Variants in PTPRM observed in about 807,000 individuals in gnomAD.
The protein encoded by PTPRM is protein tyrosine phosphatase receptor type M, also known as receptor-type tyrosine-protein phosphatase mu.
PTPRM carries 47 observed loss-of-function variants against 186.7 expected under a neutral mutation model. The ratio of observed to expected loss-of-function variants is 0.25; its 90% CI spans 0.20 to 0.32. The LOEUF is 0.32. PTPRM is among the 10% of genes least tolerant of loss of function. The probability of loss-of-function intolerance (pLI) is 1.00; values close to 1 mark genes in which losing one functional copy is unlikely to be tolerated. For synonymous variants in PTPRM, 668 were observed against 674.9 expected, an observed-to-expected ratio of 0.99 and a Z score of 0.16; for missense variants, 1,494 against 1,865.0, an observed-to-expected ratio of 0.80 and a Z score of 3.66.
rs556723312 is a variant in PTPRM, at chr18:8,239,130, T to A, written c.2301-4928T>A. Among the ~76,000 whole-genome samples the A allele has an allele frequency of 5.8e-3, 819 of 140,718 alleles. 9 individuals carry two copies. The highest frequency in any genetic ancestry group is 0.02 in the African/African-American group (779 of 38,038). The allele number at this position is 140,718 out of a possible 152,430, so 92.3% of individuals were successfully genotyped here. A position where few individuals can be genotyped will look rare whatever the true frequency, so the allele number is the denominator to read the frequency against. On this transcript the variant is annotated intron_variant, in intron 14 of 32. Coordinates refer to ENST00000580170, the MANE Select transcript of PTPRM (RefSeq NM_001105244.2). ...ATTTAGCATTAGGTATATCTCCTAA[T>A]GCTATCCCTCCCCCCTCCCCCCACC... is the stretch of plus-strand genomic sequence containing the variant.
chr18:7,991,995 G>C (rs1182570880), intron 7 of PTPRM, among the ~76,000 whole-genome samples: 1 of 152,036 alleles, frequency 6.6e-6, no homozygotes, highest in Non-Finnish European at 1.5e-5. Context: ...CCAGCCTCCA[G>C]AAAAAGATAC....
intron 9 of PTPRM, among the ~76,000 whole-genome samples, chr18:8,080,810 C>T (rs1325425094): frequency 6.6e-6 from 1 of 152,116 alleles, no homozygotes; most frequent in Non-Finnish European, 1.5e-5. Flanking sequence ...CTCAATGAGC[C>T]ATGTATATGA....
chr18:8,050,002 C>T (rs945025921), intron 7 of PTPRM, among the ~76,000 whole-genome samples: 9 of 152,144 alleles, frequency 5.9e-5, no homozygotes, highest in South Asian at 2.1e-4. Flanking sequence ...TGAGCCACCA[C>T]GCCCAGCCAA....
At chr18:8,238,651 GTTTTTTTT>G (rs71165776) in intron 14 of PTPRM, among the ~76,000 whole-genome samples, 4 of 25,760 alleles carry the variant, frequency 1.6e-4, no homozygotes, top group Non-Finnish European at 2.0e-4. Context: ...TGTTTTGTGT[GTTTTTTTT>G]TTTTTTTTTT....
intron 2 of PTPRM, among the ~76,000 whole-genome samples, chr18:7,885,012 T>C (rs1028966124): frequency 2.2e-5 from 3 of 139,334 alleles, no homozygotes; most frequent in Non-Finnish European, 4.6e-5. Flanking sequence ...CCCTTCCAAA[T>C]CTATGCAGCT....
At chr18:7,924,935 A>G (rs1446897738) in intron 4 of PTPRM, among the ~76,000 whole-genome samples, 1 of 152,146 alleles carries the variant, frequency 6.6e-6, no homozygotes, top group Non-Finnish European at 1.5e-5. Context: ...AACTGGATAT[A>G]CTGGAGTTTG....
At chr18:7,643,392 T>TGCA (rs1200665085) in intron 1 of PTPRM, among the ~76,000 whole-genome samples, 3 of 152,136 alleles carry the variant, frequency 2.0e-5, no homozygotes, top group Non-Finnish European at 2.9e-5. Context: ...CAGGCTGGAG[T>TGCA]GCAGTGGTGC....
chr18:7,924,934 T>C (rs1270372032), intron 4 of PTPRM, among the ~76,000 whole-genome samples: 1 of 152,178 alleles, frequency 6.6e-6, no homozygotes, highest in African/African-American at 2.4e-5. Context: ...GAACTGGATA[T>C]ACTGGAGTTT....
intron 7 of PTPRM, among the ~76,000 whole-genome samples, chr18:8,029,313 C>G (rs1200692874): frequency 6.7e-6 from 1 of 148,804 alleles, no homozygotes; most frequent in African/African-American, 2.5e-5. Context: ...TGGAGTGCCC[C>G]TCCTCCACCT....
Position 7,728,855 on chromosome 18 carries a change from T to G in PTPRM, c.74-45294T>G, listed in dbSNP as rs560979693. Reference sequence around the variant, plus strand: ...ACTCTACCTCAATGTAAATGTAGTTTTATAATTAAAATGAAGGATCATCAA... The same window carrying G: ...ACTCTACCTCAATGTAAATGTAGTTGTATAATTAAAATGAAGGATCATCAA... On this transcript the variant is annotated intron_variant, in intron 1 of 32. Coordinates refer to ENST00000580170, the MANE Select transcript of PTPRM (RefSeq NM_001105244.2). Among the ~76,000 whole-genome samples the G allele has an allele frequency of 3.8e-4, 58 of 152,346 alleles. No individual in the cohort carries two copies. In the South Asian group the frequency reaches 6.2e-3, roughly 16 times the overall value.
At chr18:7,681,585 T>TAA (rs546037419) in intron 1 of PTPRM, among the ~76,000 whole-genome samples, 2,865 of 143,338 alleles carry the variant, frequency 0.02, 83 homozygotes, top group African/African-American at 0.069. Flanking sequence ...TTAGATTCCT[T>TAA]AAAAAAAAAA....
At chr18:8,055,003 C>A (rs1344390535) in intron 7 of PTPRM, among the ~76,000 whole-genome samples, 3 of 152,130 alleles carry the variant, frequency 2.0e-5, no homozygotes, top group Non-Finnish European at 4.4e-5. Context: ...TTTGTTCAAT[C>A]TGCCATTACT....
chr18:8,091,532 T>A (rs1469063465), intron 11 of PTPRM, among the ~76,000 whole-genome samples: 1 of 151,992 alleles, frequency 6.6e-6, no homozygotes, highest in Non-Finnish European at 1.5e-5. Context: ...AATGGGTAAA[T>A]CGTGTTGGCA....
chr18:8,022,822 T>C (rs2085316844), intron 7 of PTPRM, among the ~76,000 whole-genome samples: 1 of 152,156 alleles, frequency 6.6e-6, no homozygotes, highest in Admixed American at 6.6e-5. Context: ...ATGCCTAACG[T>C]TTACTGGGCA....
intron 7 of PTPRM, among the ~76,000 whole-genome samples, chr18:8,025,533 G>A (rs921666756): frequency 2.0e-5 from 3 of 152,156 alleles, no homozygotes; most frequent in Admixed American, 2.0e-4. Flanking sequence ...ATACACTCAA[G>A]GAAGGTGTTT....
intron 7 of PTPRM, among the ~76,000 whole-genome samples, chr18:8,008,916 TA>T (rs1444972983): frequency 1.3e-5 from 2 of 152,188 alleles, no homozygotes; most frequent in African/African-American, 4.8e-5. Flanking sequence ...GAGTAAATAT[TA>T]AGTGCTTAAT....
At chr18:7,919,524 AGG>A (rs1240941199) in intron 4 of PTPRM, among the ~76,000 whole-genome samples, 8 of 152,080 alleles carry the variant, frequency 5.3e-5, no homozygotes, top group Non-Finnish European at 1.2e-4. Flanking sequence ...GTATTTACTG[AGG>A]TTCCTTTTGT....
intron 13 of PTPRM, among the ~76,000 whole-genome samples, chr18:8,134,247 T>C (rs6506550): frequency 0.025 from 3,740 of 152,320 alleles, 134 homozygotes; most frequent in African/African-American, 0.086. Context: ...TCTCCATCTA[T>C]ACACAGACCA....
At chr18:8,236,067 T>C (rs1036459994) in intron 14 of PTPRM, among the ~76,000 whole-genome samples, 1 of 152,184 alleles carries the variant, frequency 6.6e-6, no homozygotes, top group African/African-American at 2.4e-5. Flanking sequence ...TGAAGGATTC[T>C]TAAGATGTCA....
Sources: allele counts gnomAD v4.1 joint callset (sites outside exome capture counted in the v4.1 genomes callset), GRCh38; gene constraint gnomAD v4.1.1; transcripts MANE v1.5; gene names NCBI Gene and HGNC (gene_info 2026-07-23, HGNC 2026-07-21).